The following CCDC163 variants were observed in gnomAD, a reference collection of about 807,000 sequenced individuals.
The protein encoded by CCDC163 is transmembrane protein CCDC163.
Under a neutral mutation model 8.2 loss-of-function variants are expected in CCDC163, and 13 were observed. The observed-to-expected ratio is 1.59, with a 90% CI of 1.04 to 2.54. The LOEUF is 2.54. Among genes scored for constraint, CCDC163 ranks in the 30% most tolerant of loss-of-function variants. The probability of loss-of-function intolerance (pLI) is 0.00; values close to 1 mark genes in which losing one functional copy is unlikely to be tolerated. For synonymous variants in CCDC163, 41 were observed against 30.9 expected (o/e 1.33, Z -1.08); for missense variants, 117 against 78.6 (o/e 1.49, Z -1.85).
At position 45,494,787 on chromosome 1, in the gene CCDC163, T is replaced by C. The variant is rs1653941799; in HGVS notation, c.*272A>G. 2.5e-6 allele frequency: 1 copy of C among 392,208 alleles called. No homozygotes were observed. The highest frequency in any genetic ancestry group is 4.8e-6 in the Non-Finnish European group (1 of 207,532). 24.3% of individuals were successfully genotyped at this position (392,208 alleles called of 1,614,324 possible). The stretch of plus-strand genomic sequence containing the variant: ...GACTGGCCAACATGGTGAAACCCCA[T>C]CTCTACTAAAAATACAAAAATTAGC... On this transcript the variant is annotated 3_prime_UTR_variant, in exon 5 of 5. Coordinates refer to ENST00000629482, the MANE Select transcript of CCDC163 (RefSeq NM_001102601.3).
rs1173296265 is a variant in CCDC163 at position 45,499,778 on chromosome 1, G to A, written c.-169C>T. 3.3e-6 allele frequency: 2 copies of A among 606,654 alleles called. No individual in the cohort carries two copies. Among genetic ancestry groups the A allele is most frequent in the African/African-American group, 3.7e-5 (2 of 53,852 alleles). The allele number at this position is 606,654 out of a possible 1,614,324, so 37.6% of individuals were successfully genotyped here. ...GGATGCACTATCAGACCAAAACTGC[G>A]ATCCTGTGACTAGGGAAAGGAAGGA... On this transcript the variant is annotated 5_prime_UTR_variant, in exon 1 of 5. Coordinates refer to ENST00000629482, the MANE Select transcript of CCDC163 (RefSeq NM_001102601.3).
At chr1:45,495,349 G>A in intron 4 of CCDC163, 183 bp from the exon 5 acceptor site, 1 of 702,476 alleles carries the variant, frequency 1.4e-6, no homozygotes, top group East Asian at 2.7e-5. Context: ...AAATAATTAG[G>A]CAGCTGGCAT....
At chr1:45,499,287 C>G in intron 2 of CCDC163, 58 bp downstream of exon 2, 1 of 728,752 alleles carries the variant, frequency 1.4e-6, no homozygotes, top group Non-Finnish European at 2.6e-6. Context: ...ATGATACGGG[C>G]ACTGGAGGAA....
chr1:45,499,564 T>C lies in CCDC163; in HGVS notation c.46A>G (p.Asn16Asp), dbSNP rs768004897. The C allele has an allele frequency of 1.0e-5, 8 of 778,872 alleles. No homozygotes were observed. In the South Asian group the frequency reaches 1.1e-4, roughly 11 times the overall value. 48.2% of individuals were successfully genotyped at this position (778,872 alleles called of 1,614,324 possible). ...SWFEQLDVLL[N>D]ATDGNVVRNK... ...CGGACCACATTTCCATCAGTAGCGT[T>C]GAGAAGCACATCCAGCTGCTCAAAC... The change falls in exon 1 of 5, where the codon AAC (asparagine) becomes GAC (aspartate). Residue 16 changes from asparagine (N) to aspartate (D), a missense_variant. Physicochemically the swap from Asn to Asp is conservative, Grantham distance 23. Transcript: ENST00000629482.
rs1296558872 is a variant in CCDC163, at chr1:45,500,015, C to T, written c.-406G>A. On this transcript the variant is annotated 5_prime_UTR_variant, in exon 1 of 5. Coordinates refer to ENST00000629482, the MANE Select transcript of CCDC163 (RefSeq NM_001102601.3). ...GACTTTGGACTGGCTGCCGCAGCGCCACCTGGGAAACTGAGGTCGCCTCTT... is the reference window on the plus strand; with the variant it reads ...GACTTTGGACTGGCTGCCGCAGCGCTACCTGGGAAACTGAGGTCGCCTCTT... The T allele has an allele frequency of 7.8e-6, 4 of 513,210 alleles. No homozygotes were observed. Among genetic ancestry groups the T allele is most frequent in the East Asian group, 3.6e-5 (1 of 27,786 alleles). The allele number at this position is 513,210 out of a possible 1,614,324, so 31.8% of individuals were successfully genotyped here.
chr1:45,499,974 T>G lies in CCDC163; in HGVS notation c.-365A>C. ...CCGCCGCCGGGTTCAAAACTTCGGG[T>G]TGGTTTTGAAAGTCCGACTTTGGAC... On this transcript the variant is annotated 5_prime_UTR_variant, in exon 1 of 5. Coordinates refer to ENST00000629482, the MANE Select transcript of CCDC163 (RefSeq NM_001102601.3). The G allele has an allele frequency of 4.1e-6, 2 of 483,080 alleles. No individual in the cohort carries two copies. Among genetic ancestry groups the G allele is most frequent in the South Asian group, 2.1e-5 (1 of 46,984 alleles). The allele number at this position is 483,080 out of a possible 1,614,324, so 29.9% of individuals were successfully genotyped here.
chr1:45,496,977 A>G (rs1206760640), intron 3 of CCDC163, among the ~76,000 whole-genome samples: 1 of 152,216 alleles, frequency 6.6e-6, no homozygotes, highest in Non-Finnish European at 1.5e-5. Flanking sequence ...CTCGGCCAAC[A>G]TGGTGAAACC....
In CCDC163 at chr1:45,497,329, T is replaced by A. The variant is rs929126475; in HGVS notation, c.232A>T (p.Lys78Ter). Residue 78 changes from lysine (K) to a stop codon, truncating the protein, a stop_gained, in exon 3 of 5, where the codon AAG (lysine) becomes TAG (stop). Coordinates refer to ENST00000629482, the MANE Select transcript of CCDC163 (RefSeq NM_001102601.3). LOFTEE classifies it high-confidence loss of function. ...VLWEESEIMQ[K>*]ELKLLQYQLS... ...TGGTACTGCAGCAACTTCAATTCCT[T>A]CTGCATAATCTCTGACTCCTCCCAC... 1.4e-5 allele frequency: 11 copies of A among 780,130 alleles called. No individual in the cohort carries two copies. The highest frequency in any genetic ancestry group is 2.4e-5 in the Non-Finnish European group (10 of 417,592). 48.3% of individuals were successfully genotyped at this position (780,130 alleles called of 1,614,324 possible).
At chr1:45,496,711 G>C (rs751085067) in intron 3 of CCDC163, 88 bp from the exon 4 acceptor site, 2 of 688,966 alleles carry the variant, frequency 2.9e-6, no homozygotes, top group Non-Finnish European at 5.4e-6. Context: ...GCCAAAAACT[G>C]AGACAGAAAC....
At chr1:45,495,600 C>T in intron 4 of CCDC163, 1 of 693,920 alleles carries the variant, frequency 1.4e-6, no homozygotes, top group South Asian at 1.5e-5. Context: ...TCAAGGGGGC[C>T]CTTCCAACAC....
At chr1:45,496,109 T>G (rs1452874742) in intron 4 of CCDC163, 1 of 291,810 alleles carries the variant, frequency 3.4e-6, no homozygotes, top group Non-Finnish European at 6.7e-6. Context: ...TGGTCCCCAG[T>G]GCCCGACCTG....
intron 4 of CCDC163, chr1:45,495,655 CTTTTTTTTTTTTTT>C (rs71052890): frequency 0.08 from 36,384 of 455,882 alleles, 25 homozygotes; most frequent in East Asian, 0.13. Flanking sequence ...TCTCCTCCCT[CTTTTTTTTTTTTTT>C]TTTTTTTTTT....
chr1:45,494,463 C>CAA lies in CCDC163; in HGVS notation c.*594_*595dup, dbSNP rs57092651. ...TGGGCAACTGAGTAAGACCTTGCCT[C>CAA]AAAAAAAAAAAAAAAAAAGGCAGAA... On this transcript the variant is annotated 3_prime_UTR_variant, in exon 5 of 5. Coordinates refer to ENST00000629482, the MANE Select transcript of CCDC163 (RefSeq NM_001102601.3). 6.9e-5 allele frequency: 7 copies of CAA among 101,164 alleles called. No individual in the cohort carries two copies. Among genetic ancestry groups the CAA allele is most frequent in the Admixed American group, 1.0e-4 (1 of 9,922 alleles). The allele number at this position is 101,164 out of a possible 1,614,324, so 6.3% of individuals were successfully genotyped here.
At chr1:45,495,655 CTTTTTTTTTTTT>C (rs71052890) in intron 4 of CCDC163, 106,348 of 463,964 alleles carry the variant, frequency 0.23, 3,932 homozygotes, top group East Asian at 0.29. Context: ...TCTCCTCCCT[CTTTTTTTTTTTT>C]TTTTTTTTTT....
chr1:45,497,405 A>C (rs375342737), intron 2 of CCDC163, 22 bp from the exon 3 acceptor site: 2 of 776,174 alleles, frequency 2.6e-6, no homozygotes, highest in African/African-American at 1.7e-5. Context: ...CAACAAATCC[A>C]GAGTAAGAAG....
intron 4 of CCDC163, among the ~76,000 whole-genome samples, chr1:45,495,854 C>T (rs1174497167): frequency 6.6e-6 from 1 of 152,010 alleles, no homozygotes; most frequent in Non-Finnish European, 1.5e-5. Context: ...GATGGGGTTT[C>T]ACCATGTTAG....
intron 2 of CCDC163, 135 bp from the exon 3 acceptor site, chr1:45,497,518 C>G: frequency 1.7e-6 from 1 of 581,446 alleles, no homozygotes; most frequent in Non-Finnish European, 3.1e-6. Flanking sequence ...AAGGCAAGGC[C>G]GCACTCAGTG....
rs376541585 is a variant in CCDC163, at chr1:45,496,024, A to C, written c.330+532T>G. On this transcript the variant is annotated intron_variant, in intron 4 of 4. Coordinates refer to ENST00000629482, the MANE Select transcript of CCDC163 (RefSeq NM_001102601.3). ...CTCACTGACTCTCTATCAGGTAAAG[A>C]ATGCCTTTATGGGATACAACCCAGA... Among the ~76,000 whole-genome samples the C allele has an allele frequency of 4.1e-4, 62 of 152,276 alleles. No individual in the cohort carries two copies. The East Asian group carries it at 0.011, about 27-fold the overall frequency.
Position 45,499,434 on chromosome 1 carries a change from A to T in CCDC163, c.88T>A (p.Tyr30Asn), listed in dbSNP as rs565678054. The T allele has an allele frequency of 1.3e-6, 1 of 778,470 alleles. No individual in the cohort carries two copies. The highest frequency in any genetic ancestry group is 1.7e-5 in the Admixed American group (1 of 58,816). The allele number at this position is 778,470 out of a possible 1,614,324, so 48.2% of individuals were successfully genotyped here. Residue 30 changes from tyrosine to asparagine, a missense_variant, in exon 2 of 5, where the codon TAT becomes AAT. Physicochemically the swap from Tyr to Asn is moderately radical, Grantham distance 143 (BLOSUM62 -2). Coordinates refer to ENST00000629482, the MANE Select transcript of CCDC163 (RefSeq NM_001102601.3). ...GNVVRNKQWL[Y>N]PLGVSTELIG... ...AGCTCTGTGGAGACCCCAAGAGGATACAGCCACTGCTACAAAAGAAACAGA... is the reference window on the plus strand; with the variant it reads ...AGCTCTGTGGAGACCCCAAGAGGATTCAGCCACTGCTACAAAAGAAACAGA...
Sources: gnomAD v4.1 joint callset for allele counts (sites outside exome capture counted in the v4.1 genomes callset) on GRCh38, gnomAD v4.1.1 for gene constraint, MANE v1.5 for transcripts, NCBI Gene and HGNC (gene_info 2026-07-23, HGNC 2026-07-21) for gene names.